GALNTL6: variants seen among roughly 807,000 people sequenced by gnomAD.
GALNTL6 encodes the protein polypeptide N-acetylgalactosaminyltransferase like 6.
A neutral mutation model predicts 73.7 loss-of-function variants in GALNTL6; 46 were observed. That is an observed-to-expected ratio of 0.62 (90% CI 0.49 to 0.80). GALNTL6 has a LOEUF of 0.80. GALNTL6 is among the 30% of genes least tolerant of loss of function. The pLI is 0.00. For missense variants in GALNTL6, 604 were observed against 755.0 expected, an observed-to-expected ratio of 0.80 and a Z score of 2.34; for synonymous variants, 259 against 263.7, an observed-to-expected ratio of 0.98 and a Z score of 0.17.
At chr4:172,492,841 C>A (rs981617286) in intron 5 of GALNTL6, among the ~76,000 whole-genome samples, 5 of 152,050 alleles carry the variant, frequency 3.3e-5, no homozygotes, top group African/African-American at 1.2e-4. Context: ...AAATAAAAGT[C>A]ATGGTTGGGG....
intron 4 of GALNTL6, among the ~76,000 whole-genome samples, chr4:172,317,150 A>G (rs1399521761): frequency 1.3e-5 from 2 of 152,304 alleles, no homozygotes; most frequent in South Asian, 4.1e-4. Context: ...AGTCAGCACT[A>G]TATGCTATTT....
At chr4:172,189,119 G>GA (rs148050726) in intron 2 of GALNTL6, among the ~76,000 whole-genome samples, 2 of 151,898 alleles carry the variant, frequency 1.3e-5, no homozygotes, top group East Asian at 3.9e-4. Flanking sequence ...TCCATTTTGG[G>GA]AAAAAAATGT....
intron 7 of GALNTL6, among the ~76,000 whole-genome samples, chr4:172,872,735 T>G (rs1017720312): frequency 2.0e-5 from 3 of 152,226 alleles, no homozygotes; most frequent in African/African-American, 7.2e-5. Flanking sequence ...TCTTACTTTC[T>G]GACCCAAAAC....
intron 2 of GALNTL6, among the ~76,000 whole-genome samples, chr4:171,946,697 G>A (rs140072499): frequency 4.6e-5 from 7 of 152,208 alleles, no homozygotes; most frequent in East Asian, 1.9e-4. Flanking sequence ...AGTCAGAGGC[G>A]GCCTCTCCAA....
intron 8 of GALNTL6, among the ~76,000 whole-genome samples, chr4:172,914,162 A>T (rs1048333438): frequency 6.6e-6 from 1 of 152,210 alleles, no homozygotes; most frequent in Non-Finnish European, 1.5e-5. Flanking sequence ...TTCATAAGTG[A>T]AGGAGAAATA....
At chr4:172,557,559 A>G (rs2332519) in intron 5 of GALNTL6, among the ~76,000 whole-genome samples, 126,745 of 152,150 alleles carry the variant, frequency 0.83, 52,929 homozygotes, top group Non-Finnish European at 0.87. Context: ...AGAGGGCAAA[A>G]TACCTGAATA....
intron 8 of GALNTL6, among the ~76,000 whole-genome samples, chr4:172,897,419 G>A (rs1746386446): frequency 1.3e-5 from 2 of 152,210 alleles, no homozygotes; most frequent in African/African-American, 4.8e-5. Flanking sequence ...CCTCAGCTGA[G>A]AGAGGCTGGA....
At chr4:172,752,799 A>G (rs1479391502) in intron 5 of GALNTL6, among the ~76,000 whole-genome samples, 2 of 152,158 alleles carry the variant, frequency 1.3e-5, no homozygotes, top group African/African-American at 2.4e-5. Flanking sequence ...TTGAAACTCT[A>G]TGAACTATGA....
chr4:172,775,896 G>C (rs948121673), intron 5 of GALNTL6, among the ~76,000 whole-genome samples: 3 of 152,170 alleles, frequency 2.0e-5, no homozygotes, highest in African/African-American at 7.2e-5. Flanking sequence ...TCTAGGAACT[G>C]TGCTTGCCTC....
At chr4:172,398,739 AT>A (rs1470725046) in intron 5 of GALNTL6, among the ~76,000 whole-genome samples, 1 of 152,186 alleles carries the variant, frequency 6.6e-6, no homozygotes, top group Non-Finnish European at 1.5e-5. Flanking sequence ...CCTAAAAATA[AT>A]TTTGTAGAAG....
At chr4:172,655,614 C>G (rs1730956344) in intron 5 of GALNTL6, among the ~76,000 whole-genome samples, 1 of 152,172 alleles carries the variant, frequency 6.6e-6, no homozygotes, top group Admixed American at 6.5e-5. Context: ...GAAAGCACGT[C>G]TTATTTCCTC....
chr4:172,154,677 C>T (rs1734202001), intron 2 of GALNTL6, among the ~76,000 whole-genome samples: 1 of 152,192 alleles, frequency 6.6e-6, no homozygotes, highest in African/African-American at 2.4e-5. Context: ...GTAGTCAGTA[C>T]TGAAAACTGG....
In GALNTL6 at chr4:171,842,844, G is replaced by A. The variant is rs75468914; in HGVS notation, c.138+28126G>A. Among the ~76,000 whole-genome samples the A allele has an allele frequency of 4.9e-3, 740 of 152,102 alleles. 23 individuals are homozygous for A. The East Asian group carries it at 0.068, about 14-fold the overall frequency. On this transcript the variant is annotated intron_variant, in intron 2 of 12. Coordinates refer to ENST00000506823, the MANE Select transcript of GALNTL6 (RefSeq NM_001034845.3). ...ATTTGGAGGGCACAAACATCCAAAC[G>A]GTATCACTTGGTGGTACCACTTATT... is the stretch of plus-strand genomic sequence containing the variant.
At chr4:172,387,028 T>A (rs1228043183) in intron 5 of GALNTL6, among the ~76,000 whole-genome samples, 1 of 152,156 alleles carries the variant, frequency 6.6e-6, no homozygotes, top group Non-Finnish European at 1.5e-5. Flanking sequence ...ACCAGCTATC[T>A]GTGTATACTT....
intron 10 of GALNTL6, among the ~76,000 whole-genome samples, chr4:172,975,240 G>A (rs1287215201): frequency 6.6e-6 from 1 of 152,188 alleles, no homozygotes; most frequent in Non-Finnish European, 1.5e-5. Flanking sequence ...CCCAAAGTGA[G>A]TAGCTCCTAT....
At chr4:172,044,079 T>C (rs1379783628) in intron 2 of GALNTL6, among the ~76,000 whole-genome samples, 1 of 151,944 alleles carries the variant, frequency 6.6e-6, no homozygotes, top group East Asian at 1.9e-4. Context: ...TTAAGATCTC[T>C]AGGATCTTAA....
At chr4:172,215,192 G>A (rs890933962) in intron 2 of GALNTL6, among the ~76,000 whole-genome samples, 1 of 151,842 alleles carries the variant, frequency 6.6e-6, no homozygotes, top group Non-Finnish European at 1.5e-5. Flanking sequence ...AGTTACTTTG[G>A]TGAATGTTTT....
At chr4:171,886,690 G>T (rs921043276) in intron 2 of GALNTL6, among the ~76,000 whole-genome samples, 6 of 152,040 alleles carry the variant, frequency 3.9e-5, no homozygotes, top group Non-Finnish European at 5.9e-5. Flanking sequence ...GCTTGTGCAG[G>T]GAAACTCCAG....
chr4:172,990,164 T>A (rs1304759921), intron 10 of GALNTL6, among the ~76,000 whole-genome samples: 1 of 152,226 alleles, frequency 6.6e-6, no homozygotes, highest in Non-Finnish European at 1.5e-5. Context: ...TCATTCCAAT[T>A]TAAGCCTTGA....
Sources: gnomAD v4.1 joint callset for allele counts (sites outside exome capture counted in the v4.1 genomes callset) on GRCh38, gnomAD v4.1.1 for gene constraint, MANE v1.5 for transcripts, NCBI Gene and HGNC (gene_info 2026-07-23, HGNC 2026-07-21) for gene names.